The following FKBP5 variants were observed in gnomAD, a reference collection of about 807,000 sequenced individuals.
The protein encoded by FKBP5 is FKBP prolyl isomerase 5, also known as peptidyl-prolyl cis-trans isomerase FKBP5.
FKBP5 carries 23 observed loss-of-function variants against 50.5 expected under a neutral mutation model. The ratio of observed to expected loss-of-function variants is 0.46; its 90% CI spans 0.33 to 0.65. FKBP5 has a LOEUF of 0.65. FKBP5 is among the 30% of genes least tolerant of loss of function. The pLI, the probability that FKBP5 is intolerant of heterozygous loss-of-function variation, is 0.02. For missense variants in FKBP5, 411 were observed against 553.1 expected, an observed-to-expected ratio of 0.74 and a Z score of 2.58; for synonymous variants, 176 against 190.6, an observed-to-expected ratio of 0.92 and a Z score of 0.63.
intron 5 of FKBP5, among the ~76,000 whole-genome samples, chr6:35,615,068 G>A (rs1763603008): frequency 6.6e-6 from 1 of 151,624 alleles, no homozygotes; most frequent in Non-Finnish European, 1.5e-5. Context: ...AAGTTGCAGC[G>A]AGCTGAGATT....
chr6:35,577,187 C>G lies in FKBP5; in HGVS notation c.1073G>C (p.Gly358Ala), dbSNP rs779473333. 1 of 1,613,852 alleles carries G rather than the reference C, an allele frequency of 6.2e-7. No homozygotes were observed. The highest frequency in any genetic ancestry group is 1.1e-5 in the South Asian group (1 of 91,050). The stretch of plus-strand genomic sequence containing the variant: ...CTCGTTCATGAGCAGCTGGGCTTCA[C>G]CCCTCCTATACAAGCCTTTCTCATT... Reference protein sequence around the residue: ...SANEKGLYRRGEAQLLMNEFE... With the variant: ...SANEKGLYRRAEAQLLMNEFE... Residue 358 changes from glycine (G) to alanine (A), a missense_variant, in exon 10 of 11, where the codon GGT becomes GCT. Transcript: ENST00000357266.
chr6:35,605,855 GAAAT>G (rs1270034272), intron 5 of FKBP5, among the ~76,000 whole-genome samples: 1 of 152,150 alleles, frequency 6.6e-6, no homozygotes, highest in Non-Finnish European at 1.5e-5. Context: ...GCAAGAGAAA[GAAAT>G]AAAAGGCATC....
intron 1 of FKBP5, among the ~76,000 whole-genome samples, chr6:35,676,814 C>T (rs1765532674): frequency 2.0e-5 from 3 of 152,112 alleles, no homozygotes. Context: ...AAAGAAATCT[C>T]CATAAACTGA....
intron 2 of FKBP5, among the ~76,000 whole-genome samples, chr6:35,701,454 G>A (rs1438146491): frequency 2.0e-5 from 3 of 151,514 alleles, no homozygotes; most frequent in Admixed American, 6.6e-5. Context: ...CGTTTTAGCC[G>A]GGATGGTCTC....
intron 5 of FKBP5, among the ~76,000 whole-genome samples, chr6:35,605,428 T>C (rs1763282348): frequency 7.1e-6 from 1 of 140,950 alleles, no homozygotes. Context: ...CAAGGTCTTA[T>C]TCCATTGCCC....
At chr6:35,576,883 G>A (rs1318813249) in intron 10 of FKBP5, 111 bp downstream of exon 10, 10 of 1,357,506 alleles carry the variant, frequency 7.4e-6, no homozygotes, top group African/African-American at 1.5e-5. Flanking sequence ...ATTGGAAATC[G>A]TTTTCCCTGC....
At chr6:35,670,957 A>C (rs1765370275) in intron 1 of FKBP5, among the ~76,000 whole-genome samples, 1 of 152,068 alleles carries the variant, frequency 6.6e-6, no homozygotes, top group African/African-American at 2.4e-5. Flanking sequence ...GGTAAAAGCA[A>C]AGTATTAATG....
chr6:35,702,565 GCCTCAACTT>G (rs1766209102), intron 2 of FKBP5, among the ~76,000 whole-genome samples: 1 of 151,098 alleles, frequency 6.6e-6, no homozygotes, highest in Non-Finnish European at 1.5e-5. Context: ...CCATTCTACT[GCCTCAACTT>G]CCCGAGTAGC....
intron 8 of FKBP5, chr6:35,581,275 A>T: frequency 7.4e-6 from 3 of 407,440 alleles, no homozygotes; most frequent in Non-Finnish European, 9.8e-6. Flanking sequence ...AACATATATA[A>T]TATATATATA....
intron 1 of FKBP5, among the ~76,000 whole-genome samples, chr6:35,662,663 A>G (rs1228068818): frequency 6.6e-6 from 1 of 152,178 alleles, no homozygotes; most frequent in South Asian, 2.1e-4. Flanking sequence ...ATATATAAAT[A>G]TATAAGAGAA....
chr6:35,613,851 A>G (rs867894639), intron 5 of FKBP5, among the ~76,000 whole-genome samples: 18 of 152,354 alleles, frequency 1.2e-4, no homozygotes, highest in South Asian at 1.0e-3. Flanking sequence ...CATTCTAACA[A>G]GATGAAAGAC....
chr6:35,610,567 CAAAAAAAAAAAA>C (rs35101873), intron 5 of FKBP5, among the ~76,000 whole-genome samples: 32 of 58,624 alleles, frequency 5.5e-4, no homozygotes, highest in African/African-American at 2.1e-3. Context: ...GACTCCGTCT[CAAAAAAAAAAAA>C]AAAAAAAAAA....
intron 2 of FKBP5, among the ~76,000 whole-genome samples, chr6:35,699,021 T>C (rs1161894768): frequency 6.6e-6 from 1 of 152,230 alleles, no homozygotes; most frequent in Non-Finnish European, 1.5e-5. Flanking sequence ...CATTTGCTCA[T>C]GATTCTGCAA....
intron 2 of FKBP5, among the ~76,000 whole-genome samples, chr6:35,705,252 ATATATATTTTTTTTTT>A (rs1427029474): frequency 4.3e-4 from 2 of 4,618 alleles, no homozygotes; most frequent in Admixed American, 5.6e-3. Context: ...ATATATATAT[ATATATATTTTTTTTTT>A]TTTTTTTTTT....
chr6:35,709,451 T>C (rs1044195788), intron 2 of FKBP5, among the ~76,000 whole-genome samples: 3 of 152,240 alleles, frequency 2.0e-5, no homozygotes, highest in African/African-American at 4.8e-5. Context: ...GATATAACTA[T>C]GTTCGCATAT....
intron 6 of FKBP5, among the ~76,000 whole-genome samples, chr6:35,595,699 G>T (rs564165989): frequency 8.6e-5 from 13 of 152,002 alleles, no homozygotes; most frequent in African/African-American, 2.2e-4. Context: ...TACAGTGAGC[G>T]TGACTGTGCC....
intron 7 of FKBP5, among the ~76,000 whole-genome samples, chr6:35,590,920 C>G (rs1306178789): frequency 6.8e-6 from 1 of 148,110 alleles, no homozygotes; most frequent in East Asian, 2.0e-4. Context: ...CACATAGGAA[C>G]AAAATAAGAA....
At chr6:35,651,959 C>T (rs1318571214) in intron 1 of FKBP5, 2 of 696,494 alleles carry the variant, frequency 2.9e-6, no homozygotes, top group Non-Finnish European at 3.9e-6. Context: ...AAGTCAGGGA[C>T]CCCAAACGGA....
At chr6:35,615,598 ATG>A (rs2150975023) in intron 5 of FKBP5, among the ~76,000 whole-genome samples, 1 of 152,372 alleles carries the variant, frequency 6.6e-6, no homozygotes, top group East Asian at 1.9e-4. Flanking sequence ...CAGATCCATA[ATG>A]ATATAAATAA....
Sources: gnomAD v4.1 joint callset for allele counts (sites outside exome capture counted in the v4.1 genomes callset) on GRCh38, gnomAD v4.1.1 for gene constraint, MANE v1.5 for transcripts, NCBI Gene and HGNC (gene_info 2026-07-23, HGNC 2026-07-21) for gene names.